Variants in GABRG2 observed in about 807,000 individuals in gnomAD.
GABRG2 encodes gamma-aminobutyric acid type A receptor subunit gamma2.
Under a neutral mutation model 56.4 loss-of-function variants are expected in GABRG2, and 16 were observed. The ratio of observed to expected loss-of-function variants is 0.28; its 90% CI spans 0.19 to 0.43. GABRG2 has a LOEUF of 0.43. Ranked by LOEUF, GABRG2 falls within the 20% of genes least tolerant of loss-of-function variation. The pLI, the probability that GABRG2 is intolerant of heterozygous loss-of-function variation, is 1.00. For synonymous variants in GABRG2, 208 were observed against 205.5 expected, an observed-to-expected ratio of 1.01 and a Z score of -0.10; for missense variants, 327 against 582.7, an observed-to-expected ratio of 0.56 and a Z score of 4.52.
intron 6 of GABRG2, among the ~76,000 whole-genome samples, chr5:162,138,371 C>A (rs1279942281): frequency 6.6e-6 from 1 of 152,108 alleles, no homozygotes; most frequent in Non-Finnish European, 1.5e-5. Flanking sequence ...AATTATGTCC[C>A]CAATTCAAGT....
At position 162,109,411 on chromosome 5, in the gene GABRG2, TATATATATA is replaced by T. The variant is rs1561647255; in HGVS notation, c.769+5386_769+5394del. Among the ~76,000 whole-genome samples, 10 of 140,656 alleles carry T rather than the reference TATATATATA, an allele frequency of 7.1e-5. 1 individual carries two copies. Among genetic ancestry groups the T allele is most frequent in the African/African-American group, 2.2e-4 (8 of 37,066 alleles). 92.3% of individuals were successfully genotyped at this position (140,656 alleles called of 152,430 possible). A position where few individuals can be genotyped will look rare whatever the true frequency, so the allele number is the denominator to read the frequency against. On this transcript the variant is annotated intron_variant, in intron 6 of 9. Coordinates refer to ENST00000639213, the MANE Select transcript of GABRG2 (RefSeq NM_198904.4). ...TATAATATATATATATATATATATATATATATATATATTTATTTATATAAAATGAAAACA... is the reference window on the plus strand; with the variant it reads ...TATAATATATATATATATATATATATTATTTATTTATATAAAATGAAAACA...
At position 162,154,853 on chromosome 5, in the gene GABRG2, T is replaced by C. The variant is rs1486643693; in HGVS notation, c.*1485T>C. 6.6e-6 allele frequency: 1 copy of C among 152,022 alleles called. No individual in the cohort carries two copies. Among genetic ancestry groups the C allele is most frequent in the Non-Finnish European group, 1.5e-5 (1 of 67,988 alleles). The allele number at this position is 152,022 out of a possible 1,614,324, so 9.4% of individuals were successfully genotyped here. On this transcript the variant is annotated 3_prime_UTR_variant, in exon 10 of 10. Transcript: ENST00000639213. ...GAAAAAAAAAAATGAATGACTCACA[T>C]AGAGGTTGAGCCAATGACTGTGGCC...
chr5:162,084,672 G>A (rs753410829), intron 1 of GABRG2, among the ~76,000 whole-genome samples: 4 of 151,752 alleles, frequency 2.6e-5, no homozygotes, highest in South Asian at 2.1e-4. Flanking sequence ...AGTATATGCC[G>A]CACCTTGCAT....
intron 5 of GABRG2, chr5:162,102,733 G>C: frequency 2.6e-6 from 1 of 385,750 alleles, no homozygotes; most frequent in South Asian, 1.9e-5. Context: ...GCGTCGCCAT[G>C]TTGCCCAAGC....
chr5:162,104,053 A>G (rs1383187622), intron 6 of GABRG2, 27 bp downstream of exon 6: 2 of 1,613,514 alleles, frequency 1.2e-6, no homozygotes, highest in Non-Finnish European at 8.5e-7. Flanking sequence ...AAGAATTTCA[A>G]GTGACCCTTC....
chr5:162,123,276 A>G (rs1265120606), intron 6 of GABRG2, among the ~76,000 whole-genome samples: 2 of 151,718 alleles, frequency 1.3e-5, no homozygotes, highest in African/African-American at 2.4e-5. Flanking sequence ...TTCAAACATT[A>G]AAAGTCAAAG....
At chr5:162,115,666 G>A (rs1391159446) in intron 6 of GABRG2, among the ~76,000 whole-genome samples, 1 of 152,062 alleles carries the variant, frequency 6.6e-6, no homozygotes, top group Non-Finnish European at 1.5e-5. Context: ...AGAGAGGAAG[G>A]AAAAGATACT....
chr5:162,101,173 G>A (rs1761385389), intron 4 of GABRG2, 62 bp from the exon 5 acceptor site: 2 of 1,097,360 alleles, frequency 1.8e-6, no homozygotes, highest in African/African-American at 1.6e-5. Context: ...TTAAAATTGT[G>A]CAAATTTACA....
At chr5:162,105,400 G>A (rs114015649) in intron 6 of GABRG2, among the ~76,000 whole-genome samples, 365 of 147,200 alleles carry the variant, frequency 2.5e-3, no homozygotes, top group Middle Eastern at 0.018. Context: ...TTATTTGCAA[G>A]AAACCTGACC....
At chr5:162,138,201 CT>C (rs1764283286) in intron 6 of GABRG2, among the ~76,000 whole-genome samples, 2 of 152,148 alleles carry the variant, frequency 1.3e-5, no homozygotes, top group African/African-American at 4.8e-5. Flanking sequence ...AGTTTTCATT[CT>C]GTAGTATTTA....
intron 3 of GABRG2, among the ~76,000 whole-genome samples, chr5:162,096,711 G>A (rs572129836): frequency 2.0e-5 from 3 of 151,804 alleles, no homozygotes; most frequent in Middle Eastern, 6.8e-3. Flanking sequence ...AAAAGACTCA[G>A]GCCTAATGGT....
At chr5:162,152,758 T>C (rs933510769) in intron 9 of GABRG2, 7 of 557,610 alleles carry the variant, frequency 1.3e-5, no homozygotes, top group Non-Finnish European at 2.2e-5. Context: ...AATGCCTTCA[T>C]GTAACCAATG....
At chr5:162,075,017 A>G (rs916967297) in intron 1 of GABRG2, among the ~76,000 whole-genome samples, 5 of 152,094 alleles carry the variant, frequency 3.3e-5, no homozygotes, top group African/African-American at 1.2e-4. Context: ...AGTTCCTTCT[A>G]TTGCTAAACA....
chr5:162,071,640 C>G (rs1369324332), intron 1 of GABRG2, among the ~76,000 whole-genome samples: 2 of 151,910 alleles, frequency 1.3e-5, no homozygotes, highest in Non-Finnish European at 2.9e-5. Flanking sequence ...CTTTAACTGG[C>G]TAGGACTATG....
chr5:162,148,290 A>G (rs1581451715), intron 7 of GABRG2, among the ~76,000 whole-genome samples: 1 of 152,244 alleles, frequency 6.6e-6, no homozygotes, highest in Non-Finnish European at 1.5e-5. Context: ...CTTCTGATCT[A>G]TAAATTCAGA....
Position 162,103,913 on chromosome 5 carries a change from T to C in GABRG2, c.656T>C (p.Val219Ala). 1 of 1,614,000 alleles carries C rather than the reference T, an allele frequency of 6.2e-7. No homozygotes were observed. Among genetic ancestry groups the C allele is most frequent in the South Asian group, 1.1e-5 (1 of 91,082 alleles). Residue 219 changes from valine to alanine, a missense_variant, in exon 6 of 10, where the codon GTT (valine) becomes GCT (alanine). Physicochemically the swap from Val to Ala is moderately conservative, Grantham distance 64. Transcript: ENST00000639213. Reference sequence around the variant, plus strand: ...GATGGCTATCCACGTGAAGAAATTGTTTATCAATGGAAGCGAAGTTCTGTT... The same window carrying C: ...GATGGCTATCCACGTGAAGAAATTGCTTATCAATGGAAGCGAAGTTCTGTT... ...SSYGYPREEIVYQWKRSSVEV... is the reference protein window; with the variant it reads ...SSYGYPREEIAYQWKRSSVEV...
chr5:162,130,718 G>C (rs191750791), intron 6 of GABRG2, among the ~76,000 whole-genome samples: 1 of 151,948 alleles, frequency 6.6e-6, no homozygotes, highest in Non-Finnish European at 1.5e-5. Context: ...ATATCATCTT[G>C]ATTGCAGGTA....
At chr5:162,151,674 T>C in intron 8 of GABRG2, 56 bp from the exon 9 acceptor site, 1 of 1,439,598 alleles carries the variant, frequency 6.9e-7, no homozygotes, top group Non-Finnish European at 9.6e-7. Context: ...TTTCATTTTT[T>C]TTCTCCTTTT....
intron 1 of GABRG2, 118 bp from the exon 2 acceptor site, chr5:162,093,710 T>G: frequency 2.1e-6 from 2 of 959,924 alleles, no homozygotes; most frequent in Non-Finnish European, 3.3e-6. Context: ...AAGGGAGAAT[T>G]TTCAGTTTAA....
Sources: allele counts gnomAD v4.1 joint callset (sites outside exome capture counted in the v4.1 genomes callset), GRCh38; gene constraint gnomAD v4.1.1; transcripts MANE v1.5; gene names NCBI Gene and HGNC (gene_info 2026-07-23, HGNC 2026-07-21).